The following RBFOX1 variants were observed in gnomAD, a reference collection of about 807,000 sequenced individuals.
The protein encoded by RBFOX1 is RNA binding protein fox-1 homolog 1.
A neutral mutation model predicts 57.7 loss-of-function variants in RBFOX1; 8 were observed. The observed-to-expected ratio is 0.14, with a 90% CI of 0.08 to 0.25. The LOEUF (loss-of-function observed/expected upper bound fraction) is 0.25. RBFOX1 is among the 10% of genes least tolerant of loss of function. The pLI is 1.00. For synonymous variants in RBFOX1, 326 were observed against 222.4 expected (o/e 1.47, Z -4.15); for missense variants, 611 against 548.5 (o/e 1.11, Z -1.14).
intron 3 of RBFOX1, among the ~76,000 whole-genome samples, chr16:6,821,505 A>T (rs1026400281): frequency 1.3e-5 from 2 of 152,150 alleles, no homozygotes; most frequent in African/African-American, 4.8e-5. Flanking sequence ...AAACATTTTC[A>T]TTATCCCAAA....
chr16:6,005,261 A>T (rs2060672696), intron 4 of RBFOX1, among the ~76,000 whole-genome samples: 1 of 152,214 alleles, frequency 6.6e-6, no homozygotes, highest in Admixed American at 6.5e-5. Flanking sequence ...TACAATAGCC[A>T]TTTAAGGAAT....
chr16:6,245,547 G>A (rs1219946134), intron 1 of RBFOX1, among the ~76,000 whole-genome samples: 1 of 152,146 alleles, frequency 6.6e-6, no homozygotes, highest in Non-Finnish European at 1.5e-5. Flanking sequence ...GCAACATCTA[G>A]CAGGTTTTAC....
chr16:5,838,337 C>A, intron 3 of RBFOX1: 1 of 177,338 alleles, frequency 5.6e-6, no homozygotes. Context: ...TCCTTGAATG[C>A]AGCGAGCATG....
chr16:5,264,143 G>A lies in RBFOX1; in HGVS notation c.219+24038G>A, dbSNP rs1402122401. ...ATGAGGTTGTGAAGAGAAGTTTAGA[G>A]GGATGAGGAGGCAGGAGAGGTGAAC... On this transcript the variant is annotated intron_variant, in intron 1 of 2. Transcript: ENST00000585867. Among the ~76,000 whole-genome samples, 10 of 152,252 alleles carry A rather than the reference G, an allele frequency of 6.6e-5. No individual in the cohort carries two copies. The South Asian group carries it at 1.2e-3, about 19-fold the overall frequency.
chr16:6,905,755 G>T (rs1325629370), intron 3 of RBFOX1, among the ~76,000 whole-genome samples: 2 of 152,186 alleles, frequency 1.3e-5, no homozygotes, highest in South Asian at 2.1e-4. Context: ...GCATGCCATG[G>T]ATGGAAATGG....
chr16:6,768,315 AAG>A (rs1603618362), intron 3 of RBFOX1, among the ~76,000 whole-genome samples: 2 of 151,730 alleles, frequency 1.3e-5, no homozygotes, highest in East Asian at 3.9e-4. Flanking sequence ...TATGACAATA[AAG>A]AGTCTTATTA....
At chr16:7,384,157 C>A (rs1025221830) in intron 4 of RBFOX1, among the ~76,000 whole-genome samples, 1 of 151,238 alleles carries the variant, frequency 6.6e-6, no homozygotes, top group African/African-American at 2.4e-5. Context: ...GATATGTATG[C>A]TTATCTGTGC....
intron 2 of RBFOX1, among the ~76,000 whole-genome samples, chr16:5,494,925 C>G (rs1487195773): frequency 6.6e-6 from 1 of 152,120 alleles, no homozygotes; most frequent in Non-Finnish European, 1.5e-5. Flanking sequence ...TGTTTTGGCT[C>G]CTGTAAGTGA....
chr16:7,268,904 G>A (rs1173604827), intron 4 of RBFOX1, among the ~76,000 whole-genome samples: 2 of 151,800 alleles, frequency 1.3e-5, no homozygotes, highest in African/African-American at 4.8e-5. Flanking sequence ...AAGCGTGGTG[G>A]CAAATGCCTG....
intron 3 of RBFOX1, among the ~76,000 whole-genome samples, chr16:6,921,812 T>C (rs1567891032): frequency 6.6e-6 from 1 of 152,006 alleles, no homozygotes; most frequent in Non-Finnish European, 1.5e-5. Flanking sequence ...ATAATCACCA[T>C]GTAACTTTCC....
chr16:5,715,069 T>G (rs1567438081), intron 3 of RBFOX1, among the ~76,000 whole-genome samples: 1 of 152,214 alleles, frequency 6.6e-6, no homozygotes. Flanking sequence ...TCTCCAGTCT[T>G]TTGTTGACGC....
intron 1 of RBFOX1, among the ~76,000 whole-genome samples, chr16:5,312,668 T>G (rs991853811): frequency 1.3e-5 from 2 of 152,200 alleles, no homozygotes; most frequent in African/African-American, 4.8e-5. Flanking sequence ...CTAGGAGTTC[T>G]GAGGACACCC....
chr16:6,882,726 C>G (rs892589289), intron 3 of RBFOX1, among the ~76,000 whole-genome samples: 1 of 152,068 alleles, frequency 6.6e-6, no homozygotes, highest in African/African-American at 2.4e-5. Flanking sequence ...TCTGACATAA[C>G]CAACGGCAAC....
intron 2 of RBFOX1, among the ~76,000 whole-genome samples, chr16:6,355,710 A>C (rs2087183348): frequency 6.6e-6 from 1 of 152,200 alleles, no homozygotes; most frequent in African/African-American, 2.4e-5. Flanking sequence ...GAATCACCAC[A>C]CTGTCTTCCA....
Position 6,303,346 on chromosome 16 carries a change from T to TA in RBFOX1, c.-126-13649_-126-13648insA, listed in dbSNP as rs1567890823. 4.2e-3 allele frequency among the ~76,000 whole-genome samples: 528 copies of TA among 127,084 alleles called. 1 individual carries two copies. The highest frequency in any genetic ancestry group is 0.012 in the African/African-American group (467 of 39,044). The allele number at this position is 127,084 out of a possible 152,430, so 83.4% of individuals were successfully genotyped here. A position where few individuals can be genotyped will look rare whatever the true frequency, so the allele number is the denominator to read the frequency against. The stretch of plus-strand genomic sequence containing the variant: ...ACGTATTAAATAGATTTTTTTTTTT[T>TA]TAAAAAATCGAGGCCTACAGAGTGG... On this transcript the variant is annotated intron_variant, in intron 1 of 15. Coordinates refer to ENST00000550418, the MANE Select transcript of RBFOX1 (RefSeq NM_018723.4).
At chr16:7,388,910 A>G (rs780586146) in intron 4 of RBFOX1, among the ~76,000 whole-genome samples, 9 of 152,122 alleles carry the variant, frequency 5.9e-5, no homozygotes, top group East Asian at 1.9e-4. Flanking sequence ...CGATGAGTTT[A>G]TAGGGACATA....
At chr16:6,979,440 G>T (rs753640631) in intron 3 of RBFOX1, among the ~76,000 whole-genome samples, 2 of 152,168 alleles carry the variant, frequency 1.3e-5, no homozygotes, top group Admixed American at 6.5e-5. Context: ...TTGAACAGAA[G>T]AAATTACAGT....
intron 2 of RBFOX1, among the ~76,000 whole-genome samples, chr16:6,502,618 T>C (rs2095970174): frequency 1.3e-5 from 2 of 152,142 alleles, no homozygotes; most frequent in South Asian, 4.1e-4. Context: ...AGAGGTGCCA[T>C]CCATGGTGGA....
At chr16:7,080,433 A>G (rs2059012583) in intron 4 of RBFOX1, among the ~76,000 whole-genome samples, 1 of 152,176 alleles carries the variant, frequency 6.6e-6, no homozygotes, top group South Asian at 2.1e-4. Flanking sequence ...TTCAGTGCCA[A>G]AGTAATGACT....
Sources: allele counts gnomAD v4.1 joint callset (sites outside exome capture counted in the v4.1 genomes callset), GRCh38; gene constraint gnomAD v4.1.1; transcripts MANE v1.5; gene names NCBI Gene and HGNC (gene_info 2026-07-23, HGNC 2026-07-21).